LCORL: variants seen among roughly 807,000 people sequenced by gnomAD.
LCORL encodes ligand-dependent nuclear receptor corepressor-like protein.
LCORL carries 41 observed loss-of-function variants against 141.8 expected under a neutral mutation model. The ratio of observed to expected loss-of-function variants is 0.29; its 90% CI spans 0.23 to 0.38. LCORL has a LOEUF of 0.38. LCORL is among the 10% of genes least tolerant of loss of function. The pLI, the probability that LCORL is intolerant of heterozygous loss-of-function variation, is 1.00. For missense variants in LCORL, 1,759 were observed against 2,035.0 expected (o/e 0.86, Z 2.61); for synonymous variants, 618 against 694.1 (o/e 0.89, Z 1.72).
At chr4:17,943,914 T>G (rs1385192230) in intron 4 of LCORL, among the ~76,000 whole-genome samples, 1 of 152,198 alleles carries the variant, frequency 6.6e-6, no homozygotes, top group African/African-American at 2.4e-5. Flanking sequence ...CATTTGTTAC[T>G]CACACTTTAC....
chr4:17,950,979 C>T lies in LCORL; in HGVS notation c.430+10924G>A, dbSNP rs1739631814. Among the ~76,000 whole-genome samples, 3 of 152,094 alleles carry T rather than the reference C, an allele frequency of 2.0e-5. No individual in the cohort carries two copies. The South Asian group carries it at 6.2e-4, about 32-fold the overall frequency. On this transcript the variant is annotated intron_variant, in intron 4 of 7. Coordinates refer to ENST00000635767, the Ensembl canonical transcript of LCORL. ...GTTTATTCATTCTGAGTTTTTTCAT[C>T]CAGTTGGTTTGTCTATGGCTTCAGT... is the stretch of plus-strand genomic sequence containing the variant.
exon 7 of LCORL, chr4:17,876,072 C>T (rs942763624): frequency 3.4e-5 from 42 of 1,230,836 alleles, no homozygotes; most frequent in Non-Finnish European, 4.2e-5. Flanking sequence ...ATATTTGACC[C>T]CTTCACTACT....
At chr4:17,923,379 C>T (rs1380551791) in intron 4 of LCORL, among the ~76,000 whole-genome samples, 5 of 152,176 alleles carry the variant, frequency 3.3e-5, no homozygotes, top group African/African-American at 1.2e-4. Context: ...GGTACAGTGG[C>T]TCATGCCTAT....
rs1553877598 is a variant in LCORL, at chr4:17,962,047, A to T, written c.301-15T>A. 2 of 1,543,900 alleles carry T rather than the reference A, an allele frequency of 1.3e-6. No individual in the cohort carries two copies. Among genetic ancestry groups the T allele is most frequent in the South Asian group, 2.5e-5 (2 of 80,866 alleles). The stretch of plus-strand genomic sequence containing the variant: ...GGTATACAATCCTAAAAGTATAAGA[A>T]AACAACAACATACAGAATTATTTTT... On this transcript the variant is annotated splice_polypyrimidine_tract_variant and intron_variant, in intron 3 of 7. Transcript: ENST00000635767.
intron 1 of LCORL, among the ~76,000 whole-genome samples, chr4:18,000,150 A>G (rs894637705): frequency 2.0e-5 from 3 of 148,680 alleles, no homozygotes; most frequent in African/African-American, 7.6e-5. Context: ...TTTGCACTGA[A>G]AGAGTGAATG....
Position 17,893,348 on chromosome 4 carries a change from T to A in LCORL, c.683-7187A>T, listed in dbSNP as rs898294051. The A allele has an allele frequency of 3.2e-6, 3 of 937,582 alleles. No individual in the cohort carries two copies. In the Admixed American group the frequency reaches 1.9e-4, roughly 58 times the overall value. The allele number at this position is 937,582 out of a possible 1,614,324, so 58.1% of individuals were successfully genotyped here. Reference sequence around the variant, plus strand: ...TATATACAAGACACACAATATGTGATCCTTCCATACTATTGAGCTAAGTAA... The same window carrying A: ...TATATACAAGACACACAATATGTGAACCTTCCATACTATTGAGCTAAGTAA... On this transcript the variant is annotated intron_variant, in intron 5 of 7. Transcript: ENST00000635767.
intron 1 of LCORL, among the ~76,000 whole-genome samples, chr4:17,998,985 A>ATATATAT (rs1553885284): frequency 3.5e-3 from 205 of 57,822 alleles, no homozygotes; most frequent in Middle Eastern, 0.016. Context: ...AAAAAAAAAA[A>ATATATAT]ATATATATAT....
intron 7 of LCORL, among the ~76,000 whole-genome samples, chr4:17,869,138 A>G (rs1726036980): frequency 6.6e-6 from 1 of 151,344 alleles, no homozygotes. Context: ...TAATCTACAC[A>G]GGGGCTTCAC....
intron 5 of LCORL, among the ~76,000 whole-genome samples, chr4:17,898,651 C>T (rs928124542): frequency 1.1e-4 from 11 of 104,748 alleles, no homozygotes; most frequent in Admixed American, 5.1e-4. Context: ...TCATTCTCAC[C>T]GTTTTTTTTT....
At chr4:17,872,666 TTAACAA>T (rs1726489011) in intron 7 of LCORL, among the ~76,000 whole-genome samples, 1 of 152,152 alleles carries the variant, frequency 6.6e-6, no homozygotes, top group South Asian at 2.1e-4. Flanking sequence ...TGGCATTACC[TTAACAA>T]TAACTTGTAT....
intron 4 of LCORL, among the ~76,000 whole-genome samples, chr4:17,958,825 C>T (rs1477087921): frequency 1.3e-5 from 2 of 151,866 alleles, no homozygotes; most frequent in Non-Finnish European, 2.9e-5. Flanking sequence ...TCCTAGTTGC[C>T]GAGATTCTGC....
chr4:17,981,571 C>A (rs1717994437), intron 1 of LCORL, among the ~76,000 whole-genome samples: 1 of 151,986 alleles, frequency 6.6e-6, no homozygotes. Context: ...AATCTCATCT[C>A]TCTCTCTATA....
chr4:17,968,047 G>C (rs962585614), intron 2 of LCORL, among the ~76,000 whole-genome samples: 13 of 151,830 alleles, frequency 8.6e-5, no homozygotes, highest in African/African-American at 3.1e-4. Flanking sequence ...TAGTAGAGAT[G>C]GGGTTTCACC....
chr4:17,997,306 T>C (rs768254068), intron 1 of LCORL, among the ~76,000 whole-genome samples: 6 of 152,146 alleles, frequency 3.9e-5, no homozygotes, highest in Non-Finnish European at 7.4e-5. Flanking sequence ...CACATTCTAA[T>C]TACATTTATG....
intron 1 of LCORL, among the ~76,000 whole-genome samples, chr4:18,010,207 C>T (rs936959444): frequency 6.6e-6 from 1 of 151,542 alleles, no homozygotes; most frequent in African/African-American, 2.4e-5. Context: ...CAGAAGAGAG[C>T]ACTGGGTTTC....
At chr4:17,911,979 C>G in intron 4 of LCORL, 2 of 624,998 alleles carry the variant, frequency 3.2e-6, no homozygotes, top group Non-Finnish European at 6.1e-6. Context: ...TGGCCTCCTA[C>G]CTGGACAGAG....
At chr4:18,009,527 C>T (rs1723347803) in intron 1 of LCORL, among the ~76,000 whole-genome samples, 1 of 151,980 alleles carries the variant, frequency 6.6e-6, no homozygotes, top group Non-Finnish European at 1.5e-5. Flanking sequence ...TACCCTCAGG[C>T]TCTAATACCT....
chr4:17,931,544 C>T (rs947442945), intron 4 of LCORL, among the ~76,000 whole-genome samples: 2 of 151,888 alleles, frequency 1.3e-5, no homozygotes, highest in African/African-American at 4.8e-5. Flanking sequence ...TGAAGAAATT[C>T]TGCAACTTTG....
intron 1 of LCORL, among the ~76,000 whole-genome samples, chr4:17,978,598 T>A (rs1383039871): frequency 1.4e-5 from 2 of 140,364 alleles, no homozygotes; most frequent in Non-Finnish European, 3.1e-5. Context: ...AAAAAAAAGT[T>A]TAGCTTTCTT....
Sources: allele counts gnomAD v4.1 joint callset (sites outside exome capture counted in the v4.1 genomes callset), GRCh38; gene constraint gnomAD v4.1.1; transcripts MANE v1.5; gene names NCBI Gene and HGNC (gene_info 2026-07-23, HGNC 2026-07-21).